Variants in CCDC85A observed in about 807,000 individuals in gnomAD.
The protein encoded by CCDC85A is coiled-coil domain containing 85A, also known as coiled-coil domain-containing protein 85A.
CCDC85A carries 38 observed loss-of-function variants against 50.2 expected under a neutral mutation model. That is an observed-to-expected ratio of 0.76 (90% CI 0.58 to 0.99). CCDC85A has a LOEUF of 0.99. CCDC85A is among the 50% of genes least tolerant of loss of function. The pLI, the probability that CCDC85A is intolerant of heterozygous loss-of-function variation, is 0.00. For missense variants in CCDC85A, 820 were observed against 742.0 expected, an observed-to-expected ratio of 1.11 and a Z score of -1.22; for synonymous variants, 366 against 301.4, an observed-to-expected ratio of 1.21 and a Z score of -2.22.
At chr2:56,324,359 A>T (rs1297387878) in intron 2 of CCDC85A, among the ~76,000 whole-genome samples, 1 of 152,004 alleles carries the variant, frequency 6.6e-6, no homozygotes, top group Admixed American at 6.6e-5. Flanking sequence ...ATAGATTCAT[A>T]ATTCTTTTTA....
At chr2:56,350,381 G>A (rs1412354994) in intron 3 of CCDC85A, among the ~76,000 whole-genome samples, 1 of 152,040 alleles carries the variant, frequency 6.6e-6, no homozygotes, top group African/African-American at 2.4e-5. Context: ...GACCAGCCTG[G>A]CCAACATGGT....
chr2:56,280,152 C>G (rs1438658424), intron 2 of CCDC85A, among the ~76,000 whole-genome samples: 1 of 152,182 alleles, frequency 6.6e-6, no homozygotes, highest in Non-Finnish European at 1.5e-5. Context: ...CTCCCTCTAG[C>G]ACTTTTGAGT....
chr2:56,382,047 C>G (rs1420808455), intron 5 of CCDC85A, among the ~76,000 whole-genome samples: 3 of 151,890 alleles, frequency 2.0e-5, no homozygotes, highest in African/African-American at 4.8e-5. Context: ...AAAATGCAAA[C>G]AAACCCAAAT....
At chr2:56,253,741 AT>A (rs1215641737) in intron 2 of CCDC85A, among the ~76,000 whole-genome samples, 32 of 152,342 alleles carry the variant, frequency 2.1e-4, no homozygotes, top group Admixed American at 1.9e-3. Flanking sequence ...GATAGGACTT[AT>A]TGATGGATTA....
Position 56,215,594 on chromosome 2 carries a change from T to A in CCDC85A, c.1240+22154T>A, listed in dbSNP as rs62750362. 3.1e-3 allele frequency among the ~76,000 whole-genome samples: 235 copies of A among 76,028 alleles called. 2 individuals are homozygous for A. The highest frequency in any genetic ancestry group is 9.8e-3 in the Middle Eastern group (2 of 204). The allele number at this position is 76,028 out of a possible 152,430, so 49.9% of individuals were successfully genotyped here. ...TGCTGATAGTTTTTTTTTTTTTTTT[T>A]AAATCAAACTGGATGTGGATTTTGT... On this transcript the variant is annotated intron_variant, in intron 2 of 5. Coordinates refer to ENST00000407595, the MANE Select transcript of CCDC85A (RefSeq NM_001080433.2).
chr2:56,233,530 A>C (rs1255191949), intron 2 of CCDC85A, among the ~76,000 whole-genome samples: 1 of 152,214 alleles, frequency 6.6e-6, no homozygotes, highest in African/African-American at 2.4e-5. Context: ...CAATATGTAA[A>C]TGAATGGGTA....
intron 2 of CCDC85A, among the ~76,000 whole-genome samples, chr2:56,310,005 A>C (rs1672616846): frequency 6.6e-6 from 1 of 152,174 alleles, no homozygotes; most frequent in East Asian, 1.9e-4. Context: ...TGGAGGAGTC[A>C]CACTATTCAC....
Position 56,266,226 on chromosome 2 carries a change from A to G in CCDC85A, c.1240+72786A>G, listed in dbSNP as rs76739973. The stretch of plus-strand genomic sequence containing the variant: ...TAGGATAAATAGGTTATAGTGCTCT[A>G]TTATATAGCATGGTGACTATGATTA... On this transcript the variant is annotated intron_variant, in intron 2 of 5. Coordinates refer to ENST00000407595, the MANE Select transcript of CCDC85A (RefSeq NM_001080433.2). 1.5e-3 allele frequency among the ~76,000 whole-genome samples: 221 copies of G among 152,304 alleles called. 2 individuals carry two copies. The East Asian group carries it at 0.04, about 27-fold the overall frequency.
intron 2 of CCDC85A, among the ~76,000 whole-genome samples, chr2:56,259,190 A>G (rs1316883926): frequency 1.3e-5 from 2 of 152,196 alleles, no homozygotes; most frequent in Non-Finnish European, 2.9e-5. Context: ...GAAGCCTAGA[A>G]TGGTGGGGAG....
At chr2:56,256,762 C>T (rs979976500) in intron 2 of CCDC85A, among the ~76,000 whole-genome samples, 2 of 152,222 alleles carry the variant, frequency 1.3e-5, no homozygotes, top group Admixed American at 6.5e-5. Context: ...CTGCCACTTA[C>T]ATTTGGTAAA....
intron 1 of CCDC85A, among the ~76,000 whole-genome samples, chr2:56,185,463 G>C (rs1433284185): frequency 6.6e-6 from 1 of 152,180 alleles, no homozygotes; most frequent in Non-Finnish European, 1.5e-5. Context: ...CTGCCTTCAC[G>C]TCTTCTCCCA....
At chr2:56,220,076 C>G (rs184104166) in intron 2 of CCDC85A, among the ~76,000 whole-genome samples, 62 of 152,084 alleles carry the variant, frequency 4.1e-4, no homozygotes, top group African/African-American at 1.5e-3. Flanking sequence ...GTAGAGAAGA[C>G]AAGGTCATTG....
chr2:56,268,536 A>G (rs557756929), intron 2 of CCDC85A, among the ~76,000 whole-genome samples: 53 of 149,690 alleles, frequency 3.5e-4, no homozygotes, highest in Non-Finnish European at 5.2e-4. Flanking sequence ...CGGAGGTTGC[A>G]GTGAGCCGAG....
intron 3 of CCDC85A, among the ~76,000 whole-genome samples, chr2:56,351,854 T>A (rs1674961815): frequency 6.6e-6 from 1 of 152,162 alleles, no homozygotes; most frequent in Admixed American, 6.5e-5. Flanking sequence ...CTCTTTAGTT[T>A]AATTCGATCC....
chr2:56,340,269 C>T (rs1674289095), intron 2 of CCDC85A, among the ~76,000 whole-genome samples: 1 of 152,198 alleles, frequency 6.6e-6, no homozygotes, highest in Non-Finnish European at 1.5e-5. Context: ...ACTATTTCCA[C>T]ATAAAATAAT....
Position 56,380,681 on chromosome 2 carries a change from C to T in CCDC85A, c.1573-3585C>T, listed in dbSNP as rs185449727. ...ATGTTATTTTCACGTGCATATTCAA[C>T]GCAATCATTAATATGGCTTGGATTT... On this transcript the variant is annotated intron_variant, in intron 5 of 5. Transcript: ENST00000407595. Among the ~76,000 whole-genome samples, 53 of 151,896 alleles carry T rather than the reference C, an allele frequency of 3.5e-4. No homozygotes were observed. In the East Asian group the frequency reaches 4.6e-3, roughly 13 times the overall value.
intron 2 of CCDC85A, among the ~76,000 whole-genome samples, chr2:56,319,313 C>T (rs555956557): frequency 5.9e-5 from 9 of 152,084 alleles, no homozygotes; most frequent in Admixed American, 6.6e-5. Context: ...ATACTGGAGC[C>T]AGGATTCAAA....
At chr2:56,200,845 A>G (rs1194975918) in intron 2 of CCDC85A, among the ~76,000 whole-genome samples, 2 of 152,092 alleles carry the variant, frequency 1.3e-5, no homozygotes, top group Non-Finnish European at 2.9e-5. Context: ...AGAATACAAG[A>G]AGTCTTGGGA....
chr2:56,208,307 ATTTTATCCATACAATGAAG>A (rs1184482481), intron 2 of CCDC85A, among the ~76,000 whole-genome samples: 1 of 152,148 alleles, frequency 6.6e-6, no homozygotes, highest in East Asian at 1.9e-4. Flanking sequence ...TAAATTTCTA[ATTTTATCCATACAATGAAG>A]TTTTATCCAT....
Sources: gnomAD v4.1 joint callset for allele counts (sites outside exome capture counted in the v4.1 genomes callset) on GRCh38, gnomAD v4.1.1 for gene constraint, MANE v1.5 for transcripts, NCBI Gene and HGNC (gene_info 2026-07-23, HGNC 2026-07-21) for gene names.